ITGAV: variants seen among roughly 807,000 people sequenced by gnomAD.
The protein encoded by ITGAV is integrin subunit alpha V.
Under a neutral mutation model 143.8 loss-of-function variants are expected in ITGAV, and 76 were observed. The observed-to-expected ratio is 0.53, with a 90% confidence interval of 0.44 to 0.64. ITGAV has a LOEUF of 0.64. Ranked by LOEUF, ITGAV falls within the 30% of genes least tolerant of loss-of-function variation. ITGAV has a pLI of 0.00. For synonymous variants in ITGAV, 453 were observed against 446.7 expected, an observed-to-expected ratio of 1.01 and a Z score of -0.18; for missense variants, 1,193 against 1,274.7, an observed-to-expected ratio of 0.94 and a Z score of 0.98.
At chr2:186,676,148 A>C (rs1689202191) in intron 28 of ITGAV, 2 of 429,660 alleles carry the variant, frequency 4.7e-6, no homozygotes, top group Non-Finnish European at 8.2e-6. Flanking sequence ...CCAGTGTAAG[A>C]GATTTCTTAG....
At chr2:186,608,441 A>T (rs1212425797) in intron 2 of ITGAV, among the ~76,000 whole-genome samples, 2 of 152,194 alleles carry the variant, frequency 1.3e-5, no homozygotes, top group Non-Finnish European at 2.9e-5. Context: ...TAGCTCTAGA[A>T]TCACAACAAA....
intron 17 of ITGAV, 30 bp downstream of exon 17, chr2:186,656,431 G>C: frequency 7.0e-7 from 1 of 1,429,510 alleles, no homozygotes; most frequent in Non-Finnish European, 9.2e-7. Flanking sequence ...CTACCTTGTT[G>C]TTCCTTTTTA....
intron 18 of ITGAV, among the ~76,000 whole-genome samples, chr2:186,662,931 G>T (rs779909847): frequency 4.0e-5 from 6 of 151,816 alleles, no homozygotes; most frequent in Non-Finnish European, 7.4e-5. Context: ...GTCTGCTTCT[G>T]TGCTTGAAGC....
chr2:186,590,270 T>C lies in ITGAV; in HGVS notation c.-69T>C. ...CGCGCAGGCGGCGGGCCGCGGGCAC[T>C]GGGCGCCTCGCTGGGGCGGGGGGAG... On this transcript the variant is annotated 5_prime_UTR_variant, in exon 1 of 30. Coordinates refer to ENST00000261023, the MANE Select transcript of ITGAV (RefSeq NM_002210.5). The C allele has an allele frequency of 5.3e-6, 7 of 1,316,376 alleles. No homozygotes were observed. Among genetic ancestry groups the C allele is most frequent in the Non-Finnish European group, 5.9e-6 (6 of 1,022,200 alleles). The allele number at this position is 1,316,376 out of a possible 1,614,324, so 81.5% of individuals were successfully genotyped here.
rs1305035716 is a variant in ITGAV, at chr2:186,590,300, C to A, written c.-39C>A. 2 of 1,490,068 alleles carry A rather than the reference C, an allele frequency of 1.3e-6. No individual in the cohort carries two copies. The highest frequency in any genetic ancestry group is 8.9e-7 in the Non-Finnish European group (1 of 1,121,240). 92.3% of individuals were successfully genotyped at this position (1,490,068 alleles called of 1,614,324 possible). On this transcript the variant is annotated 5_prime_UTR_variant, in exon 1 of 30. Coordinates refer to ENST00000261023, the MANE Select transcript of ITGAV (RefSeq NM_002210.5). The stretch of plus-strand genomic sequence containing the variant: ...GCCTCGCTGGGGCGGGGGGAGGTGG[C>A]TACCGCTCCCGGCTTGGCGTCCCGC...
At chr2:186,590,593 A>C in intron 1 of ITGAV, 70 bp downstream of exon 1, 15 of 1,377,664 alleles carry the variant, frequency 1.1e-5, no homozygotes, top group Non-Finnish European at 1.4e-5. Flanking sequence ...GCGTTTCTCC[A>C]TTGGGATTGA....
intron 23 of ITGAV, 119 bp from the exon 24 acceptor site, chr2:186,667,552 T>G: frequency 1.9e-6 from 1 of 536,588 alleles, no homozygotes; most frequent in Non-Finnish European, 3.2e-6. Context: ...TCTTTTAAAG[T>G]ATTTTTTAAA....
rs180703449 is a variant in ITGAV at position 186,596,535 on chromosome 2, C to T, written c.186-5486C>T. Among the ~76,000 whole-genome samples, 16 of 149,238 alleles carry T rather than the reference C, an allele frequency of 1.1e-4. No individual in the cohort carries two copies. The East Asian group carries it at 2.8e-3, about 26-fold the overall frequency. On this transcript the variant is annotated intron_variant, in intron 1 of 29. Coordinates refer to ENST00000261023, the MANE Select transcript of ITGAV (RefSeq NM_002210.5). ...CACAATCTTGGCTTGCTGCAACCTT[C>T]GCCTCCTGGATTCAAGCAATTTCTG...
At chr2:186,617,362 C>A (rs1485836276) in intron 2 of ITGAV, among the ~76,000 whole-genome samples, 1 of 152,174 alleles carries the variant, frequency 6.6e-6, no homozygotes, top group Non-Finnish European at 1.5e-5. Context: ...GTTGACAATG[C>A]CTTTGGAAAC....
At chr2:186,657,593 ATG>A (rs1171715298) in intron 17 of ITGAV, among the ~76,000 whole-genome samples, 3 of 152,242 alleles carry the variant, frequency 2.0e-5, no homozygotes, top group African/African-American at 7.2e-5. Context: ...GTAAAGATAA[ATG>A]TATAGCCTTA....
chr2:186,638,671 T>C (rs1050699952), intron 10 of ITGAV, among the ~76,000 whole-genome samples: 2 of 135,556 alleles, frequency 1.5e-5, no homozygotes, highest in Non-Finnish European at 3.2e-5. Context: ...TGTGTGTGTG[T>C]AGTATATAAA....
intron 1 of ITGAV, chr2:186,600,315 C>T (rs780825334): frequency 1.0e-5 from 16 of 1,542,778 alleles, no homozygotes; most frequent in Middle Eastern, 1.7e-4. Flanking sequence ...CCCCCACTCC[C>T]CTCCATCCTC....
intron 4 of ITGAV, among the ~76,000 whole-genome samples, chr2:186,627,216 C>T (rs1490709920): frequency 1.3e-5 from 2 of 152,086 alleles, no homozygotes; most frequent in Non-Finnish European, 2.9e-5. Flanking sequence ...GCATCAAGTA[C>T]GTGTAGAGAA....
Position 186,602,158 on chromosome 2 carries a change from T to A in ITGAV, c.316+7T>A. 2 of 1,600,058 alleles carry A rather than the reference T, an allele frequency of 1.2e-6. No individual in the cohort carries two copies. Among genetic ancestry groups the A allele is most frequent in the Non-Finnish European group, 1.7e-6 (2 of 1,175,208 alleles). On this transcript the variant is annotated splice_region_variant and intron_variant, in intron 2 of 29. Transcript: ENST00000261023. ...ATTGAATTTGATGCAACAGGTAAAT[T>A]TTGATGCACAATTTTCTTTTCATTG...
chr2:186,625,678 T>TGTGTGAGA (rs5836988), intron 4 of ITGAV, 91 bp downstream of exon 4: 864 of 452,686 alleles, frequency 1.9e-3, no homozygotes, highest in East Asian at 3.1e-3. Context: ...TGTGTGTGTG[T>TGTGTGAGA]GAGAGAGAGA....
chr2:186,666,286 G>A (rs1308240134), intron 21 of ITGAV, among the ~76,000 whole-genome samples: 1 of 152,126 alleles, frequency 6.6e-6, no homozygotes, highest in Non-Finnish European at 1.5e-5. Context: ...CCCTACTCAT[G>A]CCTTCTTTAG....
At position 186,667,438 on chromosome 2, in the gene ITGAV, A is replaced by G. The variant is rs61763159; in HGVS notation, c.2327+208A>G. ...AAAAGGAACAAGACATGGCAACAAC[A>G]TGCACAAAATAATTTTGTTGAACTT... On this transcript the variant is annotated intron_variant, in intron 23 of 29. Coordinates refer to ENST00000261023, the MANE Select transcript of ITGAV (RefSeq NM_002210.5). Among the ~76,000 whole-genome samples the G allele has an allele frequency of 3.1e-3, 468 of 152,332 alleles. 4 individuals carry two copies. The highest frequency in any genetic ancestry group is 0.011 in the African/African-American group (437 of 41,570).
At chr2:186,672,837 T>C (rs898160938) in intron 26 of ITGAV, among the ~76,000 whole-genome samples, 4 of 152,356 alleles carry the variant, frequency 2.6e-5, no homozygotes, top group African/African-American at 7.2e-5. Context: ...AGATATATGA[T>C]TGCACAGGTT....
rs61765180 is a variant in ITGAV, at chr2:186,639,721, T to C, written c.904-1194T>C. Among the ~76,000 whole-genome samples, 564 of 152,258 alleles carry C rather than the reference T, an allele frequency of 3.7e-3. 1 individual carries two copies. Among genetic ancestry groups the C allele is most frequent in the African/African-American group, 0.013 (526 of 41,536 alleles). ...CTGCTGAAAATCTGTTTCTTATTTA[T>C]AAAAATAGGGATGCTGACAACTTCC... On this transcript the variant is annotated intron_variant, in intron 10 of 29. Coordinates refer to ENST00000261023, the MANE Select transcript of ITGAV (RefSeq NM_002210.5).
Sources: gnomAD v4.1 joint callset for allele counts (sites outside exome capture counted in the v4.1 genomes callset) on GRCh38, gnomAD v4.1.1 for gene constraint, MANE v1.5 for transcripts, NCBI Gene and HGNC (gene_info 2026-07-23, HGNC 2026-07-21) for gene names.